Variants in TDRD12 observed in about 807,000 individuals in gnomAD.
TDRD12 encodes tudor domain containing 12.
A neutral mutation model predicts 133.5 loss-of-function variants in TDRD12; 158 were observed. The observed-to-expected ratio is 1.18, with a 90% CI of 1.04 to 1.35. The LOEUF (loss-of-function observed/expected upper bound fraction) is 1.35. Among genes scored for constraint, TDRD12 ranks in the 40% most tolerant of loss-of-function variants. The pLI, the probability that TDRD12 is intolerant of heterozygous loss-of-function variation, is 0.00. For missense variants in TDRD12, 1,443 were observed against 1,321.3 expected (o/e 1.09, Z -1.43); for synonymous variants, 460 against 477.9 (o/e 0.96, Z 0.49).
intron 2 of TDRD12, among the ~76,000 whole-genome samples, chr19:32,737,493 C>T (rs1417597735): frequency 6.6e-6 from 1 of 152,050 alleles, no homozygotes; most frequent in Non-Finnish European, 1.5e-5. Flanking sequence ...GCGTGAACCA[C>T]CATGCCTGGC....
chr19:32,769,200 T>TATAAAAAG (rs1242415887), intron 8 of TDRD12, among the ~76,000 whole-genome samples: 3 of 151,248 alleles, frequency 2.0e-5, no homozygotes, highest in Non-Finnish European at 4.4e-5. Flanking sequence ...TTTTATGTCC[T>TATAAAAAG]ATTTAAGAAA....
intron 11 of TDRD12, among the ~76,000 whole-genome samples, chr19:32,779,399 A>G (rs1412050594): frequency 1.3e-5 from 2 of 152,106 alleles, no homozygotes; most frequent in Non-Finnish European, 2.9e-5. Context: ...GTTCCTTCAT[A>G]TAACTCATTT....
At chr19:32,764,883 C>G (rs540378247) in intron 8 of TDRD12, among the ~76,000 whole-genome samples, 1 of 151,594 alleles carries the variant, frequency 6.6e-6, no homozygotes, top group Non-Finnish European at 1.5e-5. Flanking sequence ...CCAAAATTGA[C>G]AAATGGGATC....
In TDRD12 at chr19:32,821,152, T is replaced by C. The variant is rs1599632126; in HGVS notation, c.3503T>C (p.Val1168Ala). The stretch of plus-strand genomic sequence containing the variant: ...AACCAGAAGCCTGGTGGGTACTTGG[T>C]ATTCAAAAGATGGTTAAGTTCAAAT... The change falls in exon 28 of 28, where the codon GTA becomes GCA. Residue 1168 changes from valine to alanine, a missense_variant. Val to Ala is a moderately conservative substitution (Grantham distance 64). Coordinates refer to ENST00000444215, the Ensembl canonical transcript of TDRD12. The C allele has an allele frequency of 3.9e-6, 6 of 1,529,034 alleles. No homozygotes were observed. The South Asian group carries it at 7.2e-5, about 18-fold the overall frequency. The allele number at this position is 1,529,034 out of a possible 1,614,324, so 94.7% of individuals were successfully genotyped here.
chr19:32,827,214 A>T (rs1389359422), exon 10 of TDRD12: 1 of 1,232,000 alleles, frequency 8.1e-7, no homozygotes, highest in Non-Finnish European at 1.0e-6. Flanking sequence ...GGTTGAAGAC[A>T]GTAGCAGCAC....
intron 4 of TDRD12, among the ~76,000 whole-genome samples, chr19:32,746,398 G>A (rs35371796): frequency 2.3e-4 from 1 of 4,340 alleles, no homozygotes; most frequent in Non-Finnish European, 5.1e-4. Flanking sequence ...GTGACAGAGA[G>A]GGGGAGAGAG....
At chr19:32,827,323 G>A (rs958405089) in exon 10 of TDRD12, 28 of 956,770 alleles carry the variant, frequency 2.9e-5, no homozygotes, top group East Asian at 7.5e-5. Flanking sequence ...CCATGTGACC[G>A]ACAGTTAAGA....
At chr19:32,829,105 CTG>C (rs1046607029) in exon 10 of TDRD12, 2 of 152,314 alleles carry the variant, frequency 1.3e-5, no homozygotes, top group African/African-American at 4.8e-5. Flanking sequence ...ATATCAGTGT[CTG>C]TTTCTCTGCA....
chr19:32,731,647 A>T, intron 1 of TDRD12, 78 bp from the exon 2 acceptor site: 1 of 1,283,162 alleles, frequency 7.8e-7, no homozygotes, highest in Non-Finnish European at 1.0e-6. Flanking sequence ...AGAAACAGTA[A>T]TCGTGGCTCT....
chr19:32,797,752 G>T, exon 15 of TDRD12: 2 of 693,580 alleles, frequency 2.9e-6, no homozygotes, highest in Non-Finnish European at 5.2e-6. Flanking sequence ...CAGTCATCGT[G>T]TGCCCTGGGT....
chr19:32,798,213 A>G, intron 15 of TDRD12, 95 bp from the exon 16 acceptor site: 1 of 1,240,876 alleles, frequency 8.1e-7, no homozygotes, highest in South Asian at 1.4e-5. Flanking sequence ...ACTTCATTAG[A>G]AGGCATTTCT....
chr19:32,765,439 CAT>C (rs1970267264), intron 8 of TDRD12, among the ~76,000 whole-genome samples: 1 of 152,168 alleles, frequency 6.6e-6, no homozygotes, highest in Non-Finnish European at 1.5e-5. Flanking sequence ...CACATGCACA[CAT>C]ATGTTTATTG....
chr19:32,821,550 T>C (rs551409016), downstream of TDRD12, among the ~76,000 whole-genome samples: 9 of 152,360 alleles, frequency 5.9e-5, no homozygotes, highest in African/African-American at 2.2e-4. Flanking sequence ...ATACATTCTT[T>C]TATTTTAAAC....
At chr19:32,761,684 C>CTTAT (rs529431965) in intron 8 of TDRD12, among the ~76,000 whole-genome samples, 1,642 of 151,828 alleles carry the variant, frequency 0.011, 20 homozygotes, top group African/African-American at 0.034. Flanking sequence ...TCAGGAGTTC[C>CTTAT]TTATTTATTT....
At chr19:32,727,598 A>G (rs964332052) in intron 1 of TDRD12, among the ~76,000 whole-genome samples, 4 of 152,190 alleles carry the variant, frequency 2.6e-5, no homozygotes, top group African/African-American at 9.6e-5. Flanking sequence ...TAGGCCTTCC[A>G]TTTAGGTCTT....
intron 11 of TDRD12, among the ~76,000 whole-genome samples, chr19:32,789,374 CAG>C (rs1482845439): frequency 6.6e-6 from 1 of 152,142 alleles, no homozygotes; most frequent in East Asian, 1.9e-4. Flanking sequence ...AGTGTATTCA[CAG>C]AGTTTGCAAC....
At chr19:32,777,283 T>C in intron 11 of TDRD12, 54 bp downstream of exon 11, 1 of 1,105,616 alleles carries the variant, frequency 9.0e-7, no homozygotes, top group Non-Finnish European at 1.3e-6. Context: ...ATAATAAAAT[T>C]ATAAACAAGA....
intron 26 of TDRD12, among the ~76,000 whole-genome samples, chr19:32,817,036 C>G (rs1402214383): frequency 6.6e-6 from 1 of 152,150 alleles, no homozygotes; most frequent in Non-Finnish European, 1.5e-5. Flanking sequence ...ATGAGAGTGG[C>G]AGGGCTTCCC....
chr19:32,770,372 T>C (rs1053573704), intron 8 of TDRD12, among the ~76,000 whole-genome samples: 3 of 152,138 alleles, frequency 2.0e-5, no homozygotes, highest in Non-Finnish European at 4.4e-5. Flanking sequence ...CTGCCTCCTC[T>C]TGAATTGACC....
Sources: allele counts gnomAD v4.1 joint callset (sites outside exome capture counted in the v4.1 genomes callset), GRCh38; gene constraint gnomAD v4.1.1; transcripts MANE v1.5; gene names NCBI Gene and HGNC (gene_info 2026-07-23, HGNC 2026-07-21).